Variants in LRRN4CL observed in about 807,000 individuals in gnomAD.
The protein encoded by LRRN4CL is LRRN4 C-terminal-like protein.
For synonymous variants in LRRN4CL, 156 were observed against 154.1 expected (o/e 1.01, Z -0.09); for missense variants, 348 against 336.4 (o/e 1.03, Z -0.27).
Position 62,688,477 on chromosome 11 carries a change from A to G in LRRN4CL, c.32T>C (p.Leu11Pro). ...TCTGGGAACCAAGAAGGTCACGGCCAGGAGCCACAGAAGGCAGGGAGAGCC... is the reference window on the plus strand; with the variant it reads ...TCTGGGAACCAAGAAGGTCACGGCCGGGAGCCACAGAAGGCAGGGAGAGCC... MLGSPCLLWL[L>P]AVTFLVPRAQ... Residue 11 changes from leucine to proline, a missense_variant, in exon 2 of 2, where the codon CTG becomes CCG. Transcript: ENST00000317449. The G allele has an allele frequency of 6.3e-7, 1 of 1,598,348 alleles. No individual in the cohort carries two copies. The highest frequency in any genetic ancestry group is 8.5e-7 in the Non-Finnish European group (1 of 1,179,610).
In LRRN4CL at chr11:62,687,461, G is replaced by C; in HGVS notation, c.*331C>G. On this transcript the variant is annotated 3_prime_UTR_variant, in exon 2 of 2. Transcript: ENST00000317449. ...TTTTACATTTTTAAATGGTTACAAA[G>C]GTCATATAAATACCCACATAATAAT... The C allele has an allele frequency of 3.6e-6, 1 of 279,174 alleles. No homozygotes were observed. The highest frequency in any genetic ancestry group is 6.6e-6 in the Non-Finnish European group (1 of 151,866). 17.3% of individuals were successfully genotyped at this position (279,174 alleles called of 1,614,324 possible).
Position 62,688,348 on chromosome 11 carries a change from CGGCAGTGGTCGTAGTCGCAGGG to C in LRRN4CL, c.139_160del (p.Pro47AspfsTer78), listed in dbSNP as rs751063937. 6.2e-7 allele frequency: 1 copy of C among 1,608,502 alleles called. No individual in the cohort carries two copies. Among genetic ancestry groups the C allele is most frequent in the South Asian group, 1.1e-5 (1 of 91,072 alleles). ...CTCCTTGCAGGGCACCTGCAGGTGT[CGGCAGTGGTCGTAGTCGCAGGG>C]GACAGCCGGCAAAGGCGGCCACGCC... is the stretch of plus-strand genomic sequence containing the variant. On this transcript the variant is annotated frameshift_variant, in exon 2 of 2. Transcript: ENST00000317449. LOFTEE classifies it low-confidence loss of function (END_TRUNC).
chr11:62,688,731 A>G (rs1348819757), intron 1 of LRRN4CL, among the ~76,000 whole-genome samples: 1 of 152,238 alleles, frequency 6.6e-6, no homozygotes, highest in Non-Finnish European at 1.5e-5. Flanking sequence ...GACACATGAG[A>G]CAGATGCATG....
At position 62,688,230 on chromosome 11, in the gene LRRN4CL, A is replaced by G; in HGVS notation, c.279T>C (p.Ile93=). The G allele has an allele frequency of 6.2e-7, 1 of 1,611,760 alleles. No homozygotes were observed. The highest frequency in any genetic ancestry group is 8.5e-7 in the Non-Finnish European group (1 of 1,179,480). ...PDPPRMGEVR[I]AAEEGRAVVH... ...CCACTGCGCGGCCCTCTTCGGCCGC[A>G]ATGCGCACTTCTCCCATGCGCGGCG... Residue 93 remains isoleucine (I), a synonymous_variant, in exon 2 of 2, where the codon ATT becomes ATC. Transcript: ENST00000317449.
chr11:62,688,411 GCCT>G lies in LRRN4CL; in HGVS notation c.95_97del (p.Glu32del). 3 of 1,602,152 alleles carry G rather than the reference GCCT, an allele frequency of 1.9e-6. No individual in the cohort carries two copies. Among genetic ancestry groups the G allele is most frequent in the Non-Finnish European group, 2.5e-6 (3 of 1,179,974 alleles). ...CGGCCACGCCGTCTCAGTCTCATCT[GCCT>G]CCTCTTCTTCAAAGTCTTGAGGGGC... On this transcript the variant is annotated inframe_deletion, in exon 2 of 2. Transcript: ENST00000317449.
intron 1 of LRRN4CL, among the ~76,000 whole-genome samples, chr11:62,688,898 G>A (rs1408341626): frequency 2.0e-5 from 3 of 152,102 alleles, no homozygotes; most frequent in East Asian, 3.8e-4. Flanking sequence ...TAACAAAGCC[G>A]GGCCCCTAGG....
Position 62,687,976 on chromosome 11 carries a change from G to A in LRRN4CL, c.533C>T (p.Pro178Leu), listed in dbSNP as rs751323324. The A allele has an allele frequency of 5.0e-6, 8 of 1,605,348 alleles. No homozygotes were observed. The South Asian group carries it at 8.8e-5, about 18-fold the overall frequency. ...AAGGCGGCTGCAAGGCCCGAAGGCA[G>A]GGATGTCGGCCCCCTCGAGGCCCTC... ...GGEGLEGADIPAFGPCSRLAV... is the reference protein window; with the variant it reads ...GGEGLEGADILAFGPCSRLAV... Residue 178 changes from proline (P) to leucine (L), a missense_variant, in exon 2 of 2, where the codon CCT becomes CTT. Coordinates refer to ENST00000317449, the MANE Select transcript of LRRN4CL (RefSeq NM_203422.4).
Position 62,688,203 on chromosome 11 carries a change from GAC to G in LRRN4CL, c.304_305del (p.Val102ProfsTer55). On this transcript the variant is annotated frameshift_variant, in exon 2 of 2. Transcript: ENST00000317449. LOFTEE classifies it low-confidence loss of function (END_TRUNC). ...RIAAEEGRAV[V>X]HWCAPFSPVL... ...CCGGGGAGAAGGGGGCACACCAGTG[GAC>G]CACTGCGCGGCCCTCTTCGGCCGCA... 1 of 1,612,276 alleles carries G rather than the reference GAC, an allele frequency of 6.2e-7. No homozygotes were observed. Among genetic ancestry groups the G allele is most frequent in the Non-Finnish European group, 8.5e-7 (1 of 1,179,716 alleles).
chr11:62,686,989 A>C lies in LRRN4CL; in HGVS notation c.*803T>G, dbSNP rs1945203659. ...CGGCCGGGTTTTACATCTTTAAAGA[A>C]GGGGGTCTGCCTGGGCACAGTGGCT... On this transcript the variant is annotated 3_prime_UTR_variant, in exon 2 of 2. Coordinates refer to ENST00000317449, the MANE Select transcript of LRRN4CL (RefSeq NM_203422.4). 6.6e-6 allele frequency: 1 copy of C among 151,648 alleles called. No homozygotes were observed. Among genetic ancestry groups the C allele is most frequent in the South Asian group, 2.1e-4 (1 of 4,782 alleles). The allele number at this position is 151,648 out of a possible 1,614,324, so 9.4% of individuals were successfully genotyped here. A position where few individuals can be genotyped will look rare whatever the true frequency, so the allele number is the denominator to read the frequency against.
intron 1 of LRRN4CL, among the ~76,000 whole-genome samples, chr11:62,688,810 C>T (rs758801163): frequency 6.6e-6 from 1 of 152,134 alleles, no homozygotes; most frequent in African/African-American, 2.4e-5. Flanking sequence ...AAGAGGAGGA[C>T]ATGATTTACT....
chr11:62,687,732 G>A lies in LRRN4CL; in HGVS notation c.*60C>T, dbSNP rs1185591040. 4 of 1,305,604 alleles carry A rather than the reference G, an allele frequency of 3.1e-6. No individual in the cohort carries two copies. The allele number at this position is 1,305,604 out of a possible 1,614,324, so 80.9% of individuals were successfully genotyped here. On this transcript the variant is annotated 3_prime_UTR_variant, in exon 2 of 2. Transcript: ENST00000317449. ...AGGCAGCGGGTTTTCCTCTTTCCCG[G>A]GGGCCAGGCTGAGCGCCCCAGGTGG...
intron 1 of LRRN4CL, 111 bp downstream of exon 1, chr11:62,689,316 T>C (rs1286930417): frequency 1.3e-5 from 2 of 152,122 alleles, no homozygotes; most frequent in Non-Finnish European, 2.9e-5. Context: ...GAGAAAAAAA[T>C]AGGGACGCTG....
In LRRN4CL at chr11:62,687,891, C is replaced by T. The variant is rs751361785; in HGVS notation, c.618G>A (p.Leu206=). Residue 206 remains leucine, a synonymous_variant, in exon 2 of 2, where the codon CTG becomes CTA. Coordinates refer to ENST00000317449, the MANE Select transcript of LRRN4CL (RefSeq NM_203422.4). Reference sequence around the variant, plus strand: ...CCAGGGCGGCACAGCTTAGCAGGGCCAGGGCCGTGCCCACCCCGACGGCCG... The same window carrying T: ...CCAGGGCGGCACAGCTTAGCAGGGCTAGGGCCGTGCCCACCCCGACGGCCG... ...VHAAVGVGTA[L]ALLSCAALVW... 8 of 1,486,820 alleles carry T rather than the reference C, an allele frequency of 5.4e-6. No individual in the cohort carries two copies. Among genetic ancestry groups the T allele is most frequent in the Middle Eastern group, 1.9e-4 (1 of 5,382 alleles). The allele number at this position is 1,486,820 out of a possible 1,614,324, so 92.1% of individuals were successfully genotyped here.
intron 1 of LRRN4CL, among the ~76,000 whole-genome samples, chr11:62,688,957 G>A (rs1256070011): frequency 6.6e-6 from 1 of 152,170 alleles, no homozygotes; most frequent in Admixed American, 6.5e-5. Context: ...CAAGAGGATT[G>A]CTTGAGGCCA....
At position 62,688,308 on chromosome 11, in the gene LRRN4CL, CCCG is replaced by C; in HGVS notation, c.198_200del (p.Gly67del). On this transcript the variant is annotated inframe_deletion, in exon 2 of 2. Transcript: ENST00000317449. ...GTCCTGGGCACAGGCAGGCCGCCGGCCCGACCCTCTGTAGCTCCTTGCAGGGCA... is the reference window on the plus strand; with the variant it reads ...GTCCTGGGCACAGGCAGGCCGCCGGCACCCTCTGTAGCTCCTTGCAGGGCA... The C allele has an allele frequency of 6.2e-7, 1 of 1,608,844 alleles. No homozygotes were observed. Among genetic ancestry groups the C allele is most frequent in the South Asian group, 1.1e-5 (1 of 90,926 alleles).
intron 1 of LRRN4CL, 46 bp from the exon 2 acceptor site, chr11:62,688,559 C>G: frequency 4.3e-6 from 6 of 1,397,690 alleles, no homozygotes; most frequent in Non-Finnish European, 5.8e-6. Flanking sequence ...AGCCCAAAAG[C>G]CTGCCATGCC....
chr11:62,688,550 G>C, intron 1 of LRRN4CL, 37 bp from the exon 2 acceptor site: 5 of 1,481,228 alleles, frequency 3.4e-6, no homozygotes, highest in Non-Finnish European at 4.5e-6. Context: ...AGCCTGTTCA[G>C]CCCAAAAGCC....
At position 62,688,247 on chromosome 11, in the gene LRRN4CL, T is replaced by G; in HGVS notation, c.262A>C (p.Met88Leu). 6.2e-7 allele frequency: 1 copy of G among 1,610,818 alleles called. No individual in the cohort carries two copies. The highest frequency in any genetic ancestry group is 8.5e-7 in the Non-Finnish European group (1 of 1,178,992). Residue 88 changes from methionine (M) to leucine (L), a missense_variant, in exon 2 of 2, where the codon ATG becomes CTG. Transcript: ENST00000317449. ...SPAQPPDPPR[M>L]GEVRIAAEEG... ...TCGGCCGCAATGCGCACTTCTCCCA[T>G]GCGCGGCGGGTCGGGCGGCTGGGCG... is the stretch of plus-strand genomic sequence containing the variant.
At position 62,688,563 on chromosome 11, in the gene LRRN4CL, C is replaced by T. The variant is rs140661745; in HGVS notation, c.-5-50G>A. 7.2e-6 allele frequency: 10 copies of T among 1,386,838 alleles called. No individual in the cohort carries two copies. The African/African-American group carries it at 1.3e-4, about 18-fold the overall frequency. The allele number at this position is 1,386,838 out of a possible 1,614,324, so 85.9% of individuals were successfully genotyped here. ...AAAGCCTGTTCAGCCCAAAAGCCTG[C>T]CATGCCCTCTGCCTGGACACAATCT... On this transcript the variant is annotated intron_variant, in intron 1 of 1. Transcript: ENST00000317449.
Sources: gnomAD v4.1 joint callset for allele counts (sites outside exome capture counted in the v4.1 genomes callset) on GRCh38, gnomAD v4.1.1 for gene constraint, MANE v1.5 for transcripts, NCBI Gene and HGNC (gene_info 2026-07-23, HGNC 2026-07-21) for gene names.